Variants in DLC1 observed in about 807,000 individuals in gnomAD.
DLC1 encodes the protein DLC1 Rho GTPase activating protein.
A neutral mutation model predicts 140.3 loss-of-function variants in DLC1; 54 were observed. The ratio of observed to expected loss-of-function variants is 0.38; its 90% CI spans 0.31 to 0.48. The LOEUF (loss-of-function observed/expected upper bound fraction) is 0.48, where lower values mean the gene tolerates loss of function less well. DLC1 is among the 20% of genes least tolerant of loss of function. The probability of loss-of-function intolerance (pLI) is 0.96; values close to 1 mark genes in which losing one functional copy is unlikely to be tolerated. For missense variants in DLC1, 2,536 were observed against 1,907.0 expected (o/e 1.33, Z -6.14); for synonymous variants, 986 against 728.1 (o/e 1.35, Z -5.70).
intron 5 of DLC1, among the ~76,000 whole-genome samples, chr8:13,179,937 A>G (rs900936614): frequency 6.6e-6 from 1 of 152,126 alleles, no homozygotes. Flanking sequence ...AGGCATTGCT[A>G]CCTCTTCAAA....
chr8:13,457,565 T>C (rs1799454757), intron 2 of DLC1, among the ~76,000 whole-genome samples: 1 of 148,716 alleles, frequency 6.7e-6, no homozygotes, highest in Non-Finnish European at 1.5e-5. Flanking sequence ...TAGCCCGAGC[T>C]ACTCGGGAGG....
intron 5 of DLC1, among the ~76,000 whole-genome samples, chr8:13,241,277 A>G (rs534493549): frequency 6.6e-6 from 1 of 152,348 alleles, no homozygotes; most frequent in Non-Finnish European, 1.5e-5. Context: ...TCAATTAAGC[A>G]TTAAGAAAAG....
chr8:13,410,797 C>T (rs1307459273), intron 2 of DLC1, among the ~76,000 whole-genome samples: 2 of 152,114 alleles, frequency 1.3e-5, no homozygotes, highest in Non-Finnish European at 2.9e-5. Flanking sequence ...ATCGTCAGCC[C>T]CACAAGGGTA....
chr8:13,550,438 A>T (rs1803807381), intron 1 of DLC1, among the ~76,000 whole-genome samples: 1 of 152,048 alleles, frequency 6.6e-6, no homozygotes. Context: ...CTTTGTAGCA[A>T]TGTGAGAAGA....
At chr8:13,464,591 C>T (rs774829022) in intron 2 of DLC1, among the ~76,000 whole-genome samples, 14 of 151,856 alleles carry the variant, frequency 9.2e-5, no homozygotes, top group South Asian at 2.1e-4. Flanking sequence ...ATCCACCCCC[C>T]GCCACCATGG....
chr8:13,575,755 G>A (rs1804815664), intron 1 of DLC1, among the ~76,000 whole-genome samples: 1 of 152,176 alleles, frequency 6.6e-6, no homozygotes, highest in African/African-American at 2.4e-5. Context: ...AAAGTTCACT[G>A]AACACCTTGT....
chr8:13,267,837 A>G (rs567918381), intron 5 of DLC1, among the ~76,000 whole-genome samples: 40 of 152,082 alleles, frequency 2.6e-4, no homozygotes, highest in Admixed American at 1.0e-3. Context: ...GAGAAGGGTT[A>G]CATTATGGTA....
chr8:13,222,594 C>A (rs562544110), intron 5 of DLC1, among the ~76,000 whole-genome samples: 1 of 152,266 alleles, frequency 6.6e-6, no homozygotes, highest in East Asian at 1.9e-4. Context: ...CCTGGTGATT[C>A]CAGCACTCTT....
intron 3 of DLC1, among the ~76,000 whole-genome samples, chr8:13,394,798 G>A (rs573686366): frequency 6.6e-6 from 1 of 152,216 alleles, no homozygotes; most frequent in East Asian, 1.9e-4. Flanking sequence ...GGTGTCTACA[G>A]GAGGGACTAG....
intron 2 of DLC1, among the ~76,000 whole-genome samples, chr8:13,457,628 G>T (rs1420013790): frequency 8.0e-6 from 1 of 124,690 alleles, no homozygotes; most frequent in Non-Finnish European, 1.6e-5. Flanking sequence ...AGTGAGCCGA[G>T]ATCGCGCCAC....
intron 7 of DLC1, among the ~76,000 whole-genome samples, chr8:13,108,428 T>G (rs1161039114): frequency 1.3e-5 from 2 of 152,310 alleles, no homozygotes; most frequent in East Asian, 3.9e-4. Flanking sequence ...TCTTCTAGGC[T>G]TTTCTTTTCA....
intron 2 of DLC1, among the ~76,000 whole-genome samples, chr8:13,411,968 T>C (rs192729244): frequency 9.2e-5 from 14 of 152,220 alleles, no homozygotes; most frequent in Admixed American, 9.2e-4. Context: ...GGAGTCAAAA[T>C]TGTAAAATCT....
chr8:13,389,823 C>A (rs1236976641), intron 4 of DLC1, among the ~76,000 whole-genome samples: 2 of 152,016 alleles, frequency 1.3e-5, no homozygotes, highest in Admixed American at 1.3e-4. Flanking sequence ...TCAAAGGTAA[C>A]CTTAATTATG....
chr8:13,087,402 A>T (rs1216019584), intron 16 of DLC1, among the ~76,000 whole-genome samples: 1 of 152,254 alleles, frequency 6.6e-6, no homozygotes, highest in African/African-American at 2.4e-5. Flanking sequence ...CCATGTCCCC[A>T]AATCAATCAA....
intron 5 of DLC1, among the ~76,000 whole-genome samples, chr8:13,279,385 C>T (rs554084895): frequency 3.3e-5 from 5 of 152,294 alleles, no homozygotes; most frequent in South Asian, 4.1e-4. Context: ...GAAACACCTG[C>T]CTATTCCTAG....
intron 5 of DLC1, among the ~76,000 whole-genome samples, chr8:13,259,001 G>T (rs994159782): frequency 6.6e-6 from 1 of 151,892 alleles, no homozygotes; most frequent in Non-Finnish European, 1.5e-5. Context: ...GCCGTGCGTG[G>T]TGGCGGGCGC....
At chr8:13,603,672 C>G (rs1258658797) in intron 1 of DLC1, among the ~76,000 whole-genome samples, 3 of 152,002 alleles carry the variant, frequency 2.0e-5, no homozygotes, top group Admixed American at 6.6e-5. Context: ...AACCAACTAA[C>G]TGAGTAAATG....
At position 13,099,388 on chromosome 8, in the gene DLC1, T is replaced by A. The variant is rs1447585421; in HGVS notation, c.2949A>T (p.Arg983Ser). ...GGGAAGCCCCAACCCCAGAATCCCT[T>A]CTTTCCGGGATCTCGGAGGGCTCTT... is the stretch of plus-strand genomic sequence containing the variant. Reference protein sequence around the residue: ...EPEEPSEIPERRDSGVGASLT... With the variant: ...EPEEPSEIPESRDSGVGASLT... Residue 983 changes from arginine to serine, a missense_variant, in exon 9 of 18, where the codon AGA becomes AGT. By Grantham distance (110) the Arg-to-Ser change is moderately radical. Coordinates refer to ENST00000276297, the MANE Select transcript of DLC1 (RefSeq NM_182643.3). 1 of 1,613,864 alleles carries A rather than the reference T, an allele frequency of 6.2e-7. No homozygotes were observed. Among genetic ancestry groups the A allele is most frequent in the Non-Finnish European group, 8.5e-7 (1 of 1,179,944 alleles).
chr8:13,460,110 A>G (rs566838488), intron 2 of DLC1, among the ~76,000 whole-genome samples: 68 of 152,276 alleles, frequency 4.5e-4, no homozygotes, highest in African/African-American at 1.5e-3. Context: ...AAAGCTCTCG[A>G]TCAAGAATGG....
Sources: allele counts gnomAD v4.1 joint callset (sites outside exome capture counted in the v4.1 genomes callset), GRCh38; gene constraint gnomAD v4.1.1; transcripts MANE v1.5; gene names NCBI Gene and HGNC (gene_info 2026-07-23, HGNC 2026-07-21).